Variants in ZBBX observed in about 807,000 individuals in gnomAD.
ZBBX encodes zinc finger B-box domain containing, also known as zinc finger B-box domain-containing protein 1.
Under a neutral mutation model 108.5 loss-of-function variants are expected in ZBBX, and 101 were observed. The observed-to-expected ratio is 0.93, with a 90% CI of 0.79 to 1.10. The LOEUF (loss-of-function observed/expected upper bound fraction) is 1.10. ZBBX is among the 50% of genes least tolerant of loss of function. ZBBX has a pLI of 0.00. For synonymous variants in ZBBX, 356 were observed against 323.4 expected (o/e 1.10, Z -1.08); for missense variants, 1,009 against 941.4 (o/e 1.07, Z -0.94).
intron 7 of ZBBX, among the ~76,000 whole-genome samples, chr3:167,360,347 G>C (rs902118757): frequency 6.6e-6 from 1 of 150,756 alleles, no homozygotes; most frequent in Non-Finnish European, 1.5e-5. Context: ...AAATTTTCTA[G>C]AGTGAAATTT....
At chr3:167,406,261 CA>C (rs1453896594) in intron 1 of ZBBX, among the ~76,000 whole-genome samples, 1 of 152,118 alleles carries the variant, frequency 6.6e-6, no homozygotes, top group Non-Finnish European at 1.5e-5. Flanking sequence ...CATTTAAAGG[CA>C]ATTTGGACAA....
At chr3:167,406,020 T>C (rs1276416320) in intron 1 of ZBBX, among the ~76,000 whole-genome samples, 3 of 152,122 alleles carry the variant, frequency 2.0e-5, no homozygotes, top group Non-Finnish European at 4.4e-5. Context: ...GAGCCGATAG[T>C]GCCATTGCTC....
chr3:167,404,036 T>TACTA (rs879716708), intron 1 of ZBBX, among the ~76,000 whole-genome samples: 4 of 152,052 alleles, frequency 2.6e-5, no homozygotes, highest in African/African-American at 4.8e-5. Flanking sequence ...AAAGTCAGCA[T>TACTA]ACTAACAGTA....
chr3:167,275,653 T>C (rs1404061108), intron 20 of ZBBX, among the ~76,000 whole-genome samples: 1 of 152,180 alleles, frequency 6.6e-6, no homozygotes, highest in African/African-American at 2.4e-5. Context: ...CGCTGATTGC[T>C]AGCACAGCAG....
At chr3:167,264,791 A>C (rs1484646310) in intron 20 of ZBBX, among the ~76,000 whole-genome samples, 3 of 152,228 alleles carry the variant, frequency 2.0e-5, no homozygotes, top group Non-Finnish European at 4.4e-5. Flanking sequence ...TCAGACCACA[A>C]GACAAAGTCC....
chr3:167,309,547 T>A (rs184565703), intron 16 of ZBBX, among the ~76,000 whole-genome samples: 2 of 152,220 alleles, frequency 1.3e-5, no homozygotes, highest in African/African-American at 4.8e-5. Flanking sequence ...CCCAACACCA[T>A]GTGGAAGCCA....
intron 21 of ZBBX, among the ~76,000 whole-genome samples, chr3:167,241,327 C>A (rs971960710): frequency 6.6e-6 from 1 of 152,124 alleles, no homozygotes; most frequent in African/African-American, 2.4e-5. Context: ...TAAATTAGGA[C>A]TATGTAGATA....
chr3:167,238,906 A>G (rs774547994), downstream of ZBBX, among the ~76,000 whole-genome samples: 1 of 152,128 alleles, frequency 6.6e-6, no homozygotes, highest in Non-Finnish European at 1.5e-5. Context: ...CAGTCCTTCA[A>G]ACTGGCTGTA....
chr3:167,344,610 A>G, intron 9 of ZBBX, among the ~76,000 whole-genome samples: 1 of 151,848 alleles, frequency 6.6e-6, no homozygotes, highest in East Asian at 1.9e-4. Context: ...ACAGTTTGCC[A>G]GCAGGACAGC....
upstream of ZBBX, chr3:167,380,311 G>A (rs557950822): frequency 6.6e-6 from 1 of 152,250 alleles, no homozygotes; most frequent in African/African-American, 2.4e-5. Context: ...GGGAGTTTCC[G>A]TCTTGGTCTC....
At chr3:167,375,708 C>G (rs1255131682) in intron 2 of ZBBX, among the ~76,000 whole-genome samples, 1 of 151,450 alleles carries the variant, frequency 6.6e-6, no homozygotes, top group Non-Finnish European at 1.5e-5. Context: ...TTTTTTCACT[C>G]AAACCTACCT....
intron 9 of ZBBX, among the ~76,000 whole-genome samples, chr3:167,348,660 G>A (rs998185202): frequency 6.6e-6 from 1 of 151,996 alleles, no homozygotes; most frequent in Non-Finnish European, 1.5e-5. Context: ...AGGGAGTAGA[G>A]AGAGTCTGTA....
the ZBBX span, among the ~76,000 whole-genome samples, chr3:167,182,443 C>T: frequency 5.9e-5 from 9 of 152,222 alleles, no homozygotes; most frequent in Admixed American, 2.6e-4. Flanking sequence ...AATCTGCATA[C>T]GGTTCTTTTG....
At chr3:167,314,788 T>C (rs1338024975) in intron 15 of ZBBX, among the ~76,000 whole-genome samples, 1 of 152,172 alleles carries the variant, frequency 6.6e-6, no homozygotes, top group Non-Finnish European at 1.5e-5. Context: ...TGCCAAATCA[T>C]GATCAGTAAC....
chr3:167,262,667 T>C (rs1724757846), intron 20 of ZBBX, among the ~76,000 whole-genome samples: 1 of 152,186 alleles, frequency 6.6e-6, no homozygotes, highest in Admixed American at 6.5e-5. Flanking sequence ...GTTCAGGTTT[T>C]GGACTTCTTC....
At chr3:167,219,995 C>T in the ZBBX span, among the ~76,000 whole-genome samples, 1 of 151,814 alleles carries the variant, frequency 6.6e-6, no homozygotes, top group Non-Finnish European at 1.5e-5. Flanking sequence ...TTGAAAAACA[C>T]AGAAGAATTG....
downstream of ZBBX, among the ~76,000 whole-genome samples, chr3:167,239,120 C>G (rs1419355696): frequency 1.3e-5 from 2 of 151,964 alleles, no homozygotes; most frequent in African/African-American, 4.8e-5. Flanking sequence ...GGCTGGAGAC[C>G]CAGGGAAGAT....
At chr3:167,385,266 A>G (rs993093258), upstream of ZBBX, among the ~76,000 whole-genome samples, 7 of 152,010 alleles carry the variant, frequency 4.6e-5, no homozygotes, top group Non-Finnish European at 8.8e-5. Context: ...ACTGAATACT[A>G]TACACAACTC....
At chr3:167,256,817 T>G (rs1723607034) in intron 20 of ZBBX, among the ~76,000 whole-genome samples, 1 of 152,154 alleles carries the variant, frequency 6.6e-6, no homozygotes, top group Non-Finnish European at 1.5e-5. Context: ...TTCTCTTTTA[T>G]GGCTGAATGG....
Sources: allele counts gnomAD v4.1 joint callset (sites outside exome capture counted in the v4.1 genomes callset), GRCh38; gene constraint gnomAD v4.1.1; transcripts MANE v1.5; gene names NCBI Gene and HGNC (gene_info 2026-07-23, HGNC 2026-07-21).